LRP1: variants seen among roughly 807,000 people sequenced by gnomAD.
LRP1 encodes prolow-density lipoprotein receptor-related protein 1.
LRP1 carries 51 observed loss-of-function variants against 541.5 expected under a neutral mutation model. That is an observed-to-expected ratio of 0.09 (90% CI 0.08 to 0.12). The LOEUF (loss-of-function observed/expected upper bound fraction) is 0.12, where lower values mean the gene tolerates loss of function less well. Ranked by LOEUF, LRP1 falls within the 10% of genes least tolerant of loss-of-function variation. LRP1 has a pLI of 1.00. For missense variants in LRP1, 3,878 were observed against 6,376.2 expected (o/e 0.61, Z 13.34); for synonymous variants, 2,219 against 2,470.8 (o/e 0.90, Z 3.02).
intron 2 of LRP1, among the ~76,000 whole-genome samples, chr12:57,140,769 G>C (rs375909271): frequency 6.6e-6 from 1 of 152,014 alleles, no homozygotes; most frequent in Non-Finnish European, 1.5e-5. Context: ...ATCTCGCTCT[G>C]TCGCCCACGC....
At chr12:57,140,771 C>T (rs1178100027) in intron 2 of LRP1, among the ~76,000 whole-genome samples, 1 of 152,164 alleles carries the variant, frequency 6.6e-6, no homozygotes, top group Non-Finnish European at 1.5e-5. Context: ...CTCGCTCTGT[C>T]GCCCACGCTG....
chr12:57,140,380 A>G (rs2035264115), intron 2 of LRP1, among the ~76,000 whole-genome samples: 1 of 152,282 alleles, frequency 6.6e-6, no homozygotes, highest in Admixed American at 6.5e-5. Flanking sequence ...CCACTTAAAA[A>G]AGGTAAAAAT....
In LRP1 at chr12:57,205,110, G is replaced by T; in HGVS notation, c.11196G>T (p.Glu3732Asp). 1 of 1,612,770 alleles carries T rather than the reference G, an allele frequency of 6.2e-7. No homozygotes were observed. Among genetic ancestry groups the T allele is most frequent in the Non-Finnish European group, 8.5e-7 (1 of 1,179,376 alleles). Residue 3732 changes from glutamate to aspartate, a missense_variant and splice_region_variant, in exon 73 of 89, where the codon GAG becomes GAT. Physicochemically the swap from Glu to Asp is conservative, Grantham distance 45. Transcript: ENST00000243077. The surrounding 1 kb of genome is among the most constrained non-coding windows in gnomAD (Gnocchi z 4.6). The part of the protein sequence containing the change: ...CGDGTDEEDC[E>D]PPTAHTTHCK... ...GCCTAAAGCCTCTGCCCTCCTCAGA[G>T]CCCCCCACAGCCCACACCACCCACT...
rs2036326337 is a variant in LRP1, at chr12:57,189,054, C to CG, written c.7031+1599dup. Among the ~76,000 whole-genome samples, 1 of 152,162 alleles carries CG rather than the reference C, an allele frequency of 6.6e-6. No individual in the cohort carries two copies. The highest frequency in any genetic ancestry group is 6.5e-5 in the Admixed American group (1 of 15,278). Reference sequence around the variant, plus strand: ...ACCCAGCCTCCTCCTGAGCCCTCCCCGCGTCAGCACTGGAGCACTGATGGC... The same window carrying CG: ...ACCCAGCCTCCTCCTGAGCCCTCCCCGGCGTCAGCACTGGAGCACTGATGGC... On this transcript the variant is annotated intron_variant, in intron 42 of 88. Coordinates refer to ENST00000243077, the MANE Select transcript of LRP1 (RefSeq NM_002332.3). This position sits in a 1 kb window ranked among gnomAD's most constrained non-coding sequence, Gnocchi z 4.4.
In LRP1 at chr12:57,210,116, G is replaced by T. The variant is rs766010228; in HGVS notation, c.12527G>T (p.Arg4176Leu). ...GTCTGCACCTGTCCCAATGGGAAGC[G>T]GCTGGACAACGGCACATGCGTGCCT... ...GPVCTCPNGK[R>L]LDNGTCVPVP... is the part of the protein sequence containing the mutation. The change falls in exon 81 of 89, where the codon CGG (arginine) becomes CTG (leucine). Residue 4176 changes from arginine (R) to leucine (L), a missense_variant. Transcript: ENST00000243077. 6.2e-7 allele frequency: 1 copy of T among 1,613,392 alleles called. No homozygotes were observed. Among genetic ancestry groups the T allele is most frequent in the Non-Finnish European group, 8.5e-7 (1 of 1,179,744 alleles).
At chr12:57,169,402 G>A (rs2035902060) in intron 20 of LRP1, 95 bp downstream of exon 20, 11 of 1,239,394 alleles carry the variant, frequency 8.9e-6, no homozygotes, top group East Asian at 2.6e-5. Flanking sequence ...ACGGTGTGTC[G>A]GCCACCATCT....
rs1310235107 is a variant in LRP1, at chr12:57,195,871, A to G, written c.8569A>G (p.Thr2857Ala). 1 of 1,613,686 alleles carries G rather than the reference A, an allele frequency of 6.2e-7. No homozygotes were observed. The highest frequency in any genetic ancestry group is 8.5e-7 in the Non-Finnish European group (1 of 1,180,016). ...GTCCATTCCTCCCCCAGAGTACCCG[A>G]CCTGCGGCCCCAGTGAGTTCCGCTG... ...SDESPECEYP[T>A]CGPSEFRCAN... Residue 2857 changes from threonine to alanine, a missense_variant, in exon 54 of 89, where the codon ACC becomes GCC. This residue lies in a region of LRP1 where 1,100 missense variants were observed against 1,827.4 expected (regional missense o/e 0.60). Coordinates refer to ENST00000243077, the MANE Select transcript of LRP1 (RefSeq NM_002332.3).
Position 57,205,079 on chromosome 12 carries a change from C to G in LRP1, c.11195-30C>G. On this transcript the variant is annotated intron_variant, in intron 72 of 88. Transcript: ENST00000243077. The surrounding 1 kb of genome is among the most constrained non-coding windows in gnomAD (Gnocchi z 4.6). ...TGGGAGGAGGAGGCAGGGGAGAATA[C>G]CCAGGGCCTAAAGCCTCTGCCCTCC... 1.3e-6 allele frequency: 2 copies of G among 1,596,902 alleles called. No individual in the cohort carries two copies. The highest frequency in any genetic ancestry group is 1.1e-5 in the South Asian group (1 of 89,390).
At chr12:57,129,680 G>A (rs2034997809) in intron 1 of LRP1, among the ~76,000 whole-genome samples, 1 of 152,216 alleles carries the variant, frequency 6.6e-6, no homozygotes, top group Non-Finnish European at 1.5e-5. Flanking sequence ...GGGGGGCAGA[G>A]AGGGGGAGCT....
Position 57,183,251 on chromosome 12 carries a change from T to G in LRP1, c.5663-128T>G. 5 of 1,041,846 alleles carry G rather than the reference T, an allele frequency of 4.8e-6. No individual in the cohort carries two copies. The highest frequency in any genetic ancestry group is 7.0e-6 in the Non-Finnish European group (5 of 712,592). The allele number at this position is 1,041,846 out of a possible 1,614,324, so 64.5% of individuals were successfully genotyped here. ...CTCAGGCTAGGGTGTGTGTGCTGGG[T>G]GGAGGATAGGGATGATGGTGGGGGG... is the stretch of plus-strand genomic sequence containing the variant. On this transcript the variant is annotated intron_variant, in intron 34 of 88. Coordinates refer to ENST00000243077, the MANE Select transcript of LRP1 (RefSeq NM_002332.3). The surrounding 1 kb of genome is among the most constrained non-coding windows in gnomAD (Gnocchi z 6.1).
At position 57,178,486 on chromosome 12, in the gene LRP1, C is replaced by G. The variant is rs1255476122; in HGVS notation, c.4489C>G (p.Arg1497Gly). 6.2e-7 allele frequency: 1 copy of G among 1,614,196 alleles called. No homozygotes were observed. The highest frequency in any genetic ancestry group is 8.5e-7 in the Non-Finnish European group (1 of 1,180,030). The stretch of plus-strand genomic sequence containing the variant: ...GGGGGAGGTCTACTGGACTGACTGG[C>G]GAACAAACACACTGGCTAAGGCCAA... The part of the protein sequence containing the change: ...YGGEVYWTDW[R>G]TNTLAKANKW... The change falls in exon 27 of 89, where the codon CGA (arginine) becomes GGA (glycine). Residue 1497 changes from arginine (R) to glycine (G), a missense_variant. Coordinates refer to ENST00000243077, the MANE Select transcript of LRP1 (RefSeq NM_002332.3). This position sits in a 1 kb window ranked among gnomAD's most constrained non-coding sequence, Gnocchi z 5.8.
At position 57,173,121 on chromosome 12, in the gene LRP1, A is replaced by G; in HGVS notation, c.3164-47A>G. The G allele has an allele frequency of 6.6e-7, 1 of 1,510,224 alleles. No individual in the cohort carries two copies. Among genetic ancestry groups the G allele is most frequent in the Non-Finnish European group, 9.0e-7 (1 of 1,112,340 alleles). The allele number at this position is 1,510,224 out of a possible 1,614,324, so 93.6% of individuals were successfully genotyped here. On this transcript the variant is annotated intron_variant, in intron 20 of 88. Coordinates refer to ENST00000243077, the MANE Select transcript of LRP1 (RefSeq NM_002332.3). The surrounding 1 kb of genome is among the most constrained non-coding windows in gnomAD (Gnocchi z 4.7). ...CAGGGCACAGGGATGAGGAGGGCTGACCTGGGCAACCCCTCCCTCCTGAGG... is the reference window on the plus strand; with the variant it reads ...CAGGGCACAGGGATGAGGAGGGCTGGCCTGGGCAACCCCTCCCTCCTGAGG...
Position 57,167,450 on chromosome 12 carries a change from C to T in LRP1, c.2921C>T (p.Pro974Leu). Residue 974 changes from proline to leucine, a missense_variant, in exon 19 of 89, where the codon CCC becomes CTC. Physicochemically the swap from Pro to Leu is moderately conservative, Grantham distance 98 (BLOSUM62 -3). Transcript: ENST00000243077. ...RSDESASCAYPTCFPLTQFTC... is the reference protein window; with the variant it reads ...RSDESASCAYLTCFPLTQFTC... The stretch of plus-strand genomic sequence containing the variant: ...TACTCTTTCTTCCTCACAGCCTATC[C>T]CACCTGCTTCCCCCTGACTCAGTTT... 1 of 1,613,508 alleles carries T rather than the reference C, an allele frequency of 6.2e-7. No homozygotes were observed. The highest frequency in any genetic ancestry group is 8.5e-7 in the Non-Finnish European group (1 of 1,179,434).
At chr12:57,166,375 T>A in intron 17 of LRP1, 166 bp downstream of exon 17, 1 of 857,804 alleles carries the variant, frequency 1.2e-6, no homozygotes, top group Non-Finnish European at 1.7e-6. Flanking sequence ...GCCAACATAG[T>A]GAGACCTCCC....
chr12:57,197,775 A>G lies in LRP1; in HGVS notation c.9282+111A>G, dbSNP rs980653423. 1 of 1,267,686 alleles carries G rather than the reference A, an allele frequency of 7.9e-7. No homozygotes were observed. Among genetic ancestry groups the G allele is most frequent in the Admixed American group, 2.1e-5 (1 of 47,208 alleles). The allele number at this position is 1,267,686 out of a possible 1,614,324, so 78.5% of individuals were successfully genotyped here. On this transcript the variant is annotated intron_variant, in intron 58 of 88. Transcript: ENST00000243077. This position sits in a 1 kb window ranked among gnomAD's most constrained non-coding sequence, Gnocchi z 4.5. ...CAAATTGCTTCCTTCTCACTCCACT[A>G]GTCACTATATGACTGCTTGTTCTAG...
Position 57,179,664 on chromosome 12 carries a change from C to A in LRP1, c.4966+108C>A. 1.4e-6 allele frequency: 2 copies of A among 1,391,946 alleles called. No individual in the cohort carries two copies. The highest frequency in any genetic ancestry group is 2.0e-6 in the Non-Finnish European group (2 of 994,172). 86.2% of individuals were successfully genotyped at this position (1,391,946 alleles called of 1,614,324 possible). On this transcript the variant is annotated intron_variant, in intron 29 of 88. Transcript: ENST00000243077. This position sits in a 1 kb window ranked among gnomAD's most constrained non-coding sequence, Gnocchi z 6.8. ...GAGTGGTCCTTCTCCCAGTCCTGTT[C>A]CCCCTCAGTGCTCCAGCCTGGTTTC...
At chr12:57,195,510 G>C in intron 52 of LRP1, 111 bp downstream of exon 52, 1 of 1,570,266 alleles carries the variant, frequency 6.4e-7, no homozygotes, top group Non-Finnish European at 8.6e-7. Flanking sequence ...GGTCCACTGG[G>C]GGCGGAGCCA....
intron 2 of LRP1, 121 bp from the exon 3 acceptor site, chr12:57,141,253 T>C (rs560878546): frequency 3.0e-5 from 33 of 1,109,042 alleles, no homozygotes; most frequent in Admixed American, 3.0e-4. Flanking sequence ...AGAGTCTAAC[T>C]AGCCCCGAGG....
At chr12:57,138,623 T>C (rs750774580) in intron 2 of LRP1, 42 bp downstream of exon 2, 1 of 1,607,330 alleles carries the variant, frequency 6.2e-7, no homozygotes. Context: ...ACCCTTAACT[T>C]ATCCCTCTTC....
Sources: gnomAD v4.1 joint callset for allele counts (sites outside exome capture counted in the v4.1 genomes callset) on GRCh38, gnomAD v4.1.1 for gene constraint, gnomAD v4.1.1 regional missense constraint, Gnocchi (gnomAD v3.1) non-coding constraint, MANE v1.5 for transcripts, NCBI Gene and HGNC (gene_info 2026-07-23, HGNC 2026-07-21) for gene names.